LINGO2: variants seen among roughly 807,000 people sequenced by gnomAD.
LINGO2 encodes leucine rich repeat and Ig domain containing 2, also known as leucine-rich repeat and immunoglobulin-like domain-containing nogo receptor-interacting protein 2.
Under a neutral mutation model 30.6 loss-of-function variants are expected in LINGO2, and 14 were observed. That is an observed-to-expected ratio of 0.46 (90% CI 0.30 to 0.72). LINGO2 has a LOEUF of 0.72. LINGO2 is among the 30% of genes least tolerant of loss of function. The pLI is 0.07. For synonymous variants in LINGO2, 317 were observed against 288.5 expected (o/e 1.10, Z -1.00); for missense variants, 729 against 751.7 (o/e 0.97, Z 0.35).
the LINGO2 span, among the ~76,000 whole-genome samples, chr9:28,831,381 A>C: frequency 1.3e-5 from 2 of 152,190 alleles, no homozygotes; most frequent in Admixed American, 1.3e-4. Flanking sequence ...ATGGTAGTAA[A>C]CACACCCATG....
chr9:28,366,841 G>A (rs10757733), intron 3 of LINGO2, among the ~76,000 whole-genome samples: 49,779 of 151,622 alleles, frequency 0.33, 8,424 homozygotes, highest in South Asian at 0.47. Flanking sequence ...TATATTAATG[G>A]TACACTAATA....
the LINGO2 span, among the ~76,000 whole-genome samples, chr9:28,772,672 G>A: frequency 6.6e-6 from 1 of 152,098 alleles, no homozygotes; most frequent in Non-Finnish European, 1.5e-5. Flanking sequence ...AGTACTATAT[G>A]TTCCCTTGCT....
At chr9:29,019,817 C>A in the LINGO2 span, among the ~76,000 whole-genome samples, 2 of 152,044 alleles carry the variant, frequency 1.3e-5, no homozygotes, top group Non-Finnish European at 2.9e-5. Context: ...TATCAGATAT[C>A]TTTCTATTCC....
At chr9:29,198,888 G>A in the LINGO2 span, among the ~76,000 whole-genome samples, 22 of 152,076 alleles carry the variant, frequency 1.4e-4, no homozygotes, top group South Asian at 4.1e-4. Context: ...GTAACTGGAC[G>A]AAAATGCATT....
At chr9:28,580,451 C>A (rs1009645108) in intron 1 of LINGO2, among the ~76,000 whole-genome samples, 2 of 151,890 alleles carry the variant, frequency 1.3e-5, no homozygotes, top group African/African-American at 4.8e-5. Context: ...TCACCCTTGC[C>A]CATCCCCCTC....
chr9:28,184,389 C>A (rs1161409186), intron 4 of LINGO2, among the ~76,000 whole-genome samples: 1 of 152,106 alleles, frequency 6.6e-6, no homozygotes, highest in African/African-American at 2.4e-5. Context: ...AACATTAAAG[C>A]CTATATTTTT....
chr9:28,786,412 T>C, the LINGO2 span, among the ~76,000 whole-genome samples: 3 of 152,186 alleles, frequency 2.0e-5, no homozygotes, highest in East Asian at 3.8e-4. Flanking sequence ...TATTTTTATA[T>C]ATTCTTGGCA....
At chr9:28,596,393 T>C (rs1825177145) in intron 1 of LINGO2, among the ~76,000 whole-genome samples, 1 of 152,192 alleles carries the variant, frequency 6.6e-6, no homozygotes, top group Non-Finnish European at 1.5e-5. Flanking sequence ...AAAATAAGTG[T>C]TCACTTTTTA....
chr9:29,191,079 TGA>T, the LINGO2 span, among the ~76,000 whole-genome samples: 3 of 152,158 alleles, frequency 2.0e-5, no homozygotes, highest in African/African-American at 4.8e-5. Context: ...GACCACGGTG[TGA>T]GAGAGAAATA....
chr9:28,983,008 T>C, the LINGO2 span, among the ~76,000 whole-genome samples: 37 of 151,998 alleles, frequency 2.4e-4, 1 homozygote, highest in East Asian at 6.4e-3. Flanking sequence ...GCCTACTTTT[T>C]CCCAATATTT....
chr9:28,810,021 ATCTGAC>A, the LINGO2 span, among the ~76,000 whole-genome samples: 1 of 152,164 alleles, frequency 6.6e-6, no homozygotes, highest in African/African-American at 2.4e-5. Flanking sequence ...TTGCTTTGGC[ATCTGAC>A]TCTAACATCA....
intron 2 of LINGO2, among the ~76,000 whole-genome samples, chr9:28,449,984 T>C (rs1050243761): frequency 1.3e-5 from 2 of 151,990 alleles, no homozygotes; most frequent in Non-Finnish European, 2.9e-5. Flanking sequence ...TGTTCTTGGA[T>C]TCGTAGGCAC....
At chr9:28,483,122 T>C (rs1457659593) in intron 1 of LINGO2, among the ~76,000 whole-genome samples, 1 of 152,076 alleles carries the variant, frequency 6.6e-6, no homozygotes, top group East Asian at 1.9e-4. Flanking sequence ...GCTATACAAG[T>C]TCAGGATAGG....
intron 2 of LINGO2, among the ~76,000 whole-genome samples, chr9:28,415,035 A>C (rs1456100798): frequency 3.3e-5 from 5 of 152,148 alleles, no homozygotes; most frequent in African/African-American, 1.2e-4. Context: ...GTGGTCATTA[A>C]TTATACTGTT....
chr9:27,977,962 C>T (rs531220771), intron 5 of LINGO2, among the ~76,000 whole-genome samples: 1 of 152,138 alleles, frequency 6.6e-6, no homozygotes, highest in South Asian at 2.1e-4. Context: ...AAACAAGCCC[C>T]AGCAGGCTTC....
intron 4 of LINGO2, among the ~76,000 whole-genome samples, chr9:28,053,140 C>G (rs1276069668): frequency 2.0e-5 from 3 of 151,992 alleles, no homozygotes; most frequent in Admixed American, 2.0e-4. Context: ...TAGGAAGGCT[C>G]CAGAATTTGA....
Position 28,661,489 on chromosome 9 carries a change from G to A in LINGO2, c.-365+8711C>T, listed in dbSNP as rs145087780. 5.1e-4 allele frequency among the ~76,000 whole-genome samples: 77 copies of A among 152,152 alleles called. 1 individual carries two copies. Among genetic ancestry groups the A allele is most frequent in the African/African-American group, 1.7e-3 (71 of 41,500 alleles). ...TTGTTGTATTAAGCATGTAAGTTTGGGGGTTAATCAAAGCAGATATTAATC... is the reference window on the plus strand; with the variant it reads ...TTGTTGTATTAAGCATGTAAGTTTGAGGGTTAATCAAAGCAGATATTAATC... On this transcript the variant is annotated intron_variant, in intron 1 of 5. Coordinates refer to ENST00000379992, the Ensembl canonical transcript of LINGO2.
the LINGO2 span, among the ~76,000 whole-genome samples, chr9:29,177,920 CTAAACAGTTTACAAGTAT>C: frequency 3.3e-5 from 5 of 151,972 alleles, no homozygotes; most frequent in Admixed American, 6.6e-5. Context: ...ATATCCTTTT[CTAAACAGTTTACAAGTAT>C]TAAACATCTT....
At chr9:28,191,274 T>C (rs1207333892) in intron 4 of LINGO2, among the ~76,000 whole-genome samples, 1 of 152,220 alleles carries the variant, frequency 6.6e-6, no homozygotes, top group African/African-American at 2.4e-5. Flanking sequence ...TTCTTGACAT[T>C]TGACTATTTA....
Sources: gnomAD v4.1 joint callset for allele counts (sites outside exome capture counted in the v4.1 genomes callset) on GRCh38, gnomAD v4.1.1 for gene constraint, MANE v1.5 for transcripts, NCBI Gene and HGNC (gene_info 2026-07-23, HGNC 2026-07-21) for gene names.